The following RALGAPA2 variants were observed in gnomAD, a reference collection of about 807,000 sequenced individuals.
RALGAPA2 encodes the protein ral GTPase-activating protein subunit alpha-2.
In RALGAPA2, 139 loss-of-function variants were observed where a neutral mutation model predicts 230.4. The ratio of observed to expected loss-of-function variants is 0.60; its 90% CI spans 0.53 to 0.69. The LOEUF is 0.69. Among genes scored for constraint, RALGAPA2 ranks in the 30% least tolerant of loss-of-function variants. RALGAPA2 has a pLI of 0.00. For synonymous variants in RALGAPA2, 847 were observed against 837.8 expected (o/e 1.01, Z -0.19); for missense variants, 2,163 against 2,276.0 (o/e 0.95, Z 1.01).
intron 22 of RALGAPA2, 100 bp from the exon 23 acceptor site, chr20:20,571,713 C>T (rs1206219093): frequency 1.4e-6 from 2 of 1,476,902 alleles, no homozygotes; most frequent in Non-Finnish European, 9.2e-7. Context: ...TGTTTATGGA[C>T]ATGTGGGATG....
intron 23 of RALGAPA2, among the ~76,000 whole-genome samples, chr20:20,564,935 A>G (rs191715497): frequency 6.6e-6 from 1 of 152,320 alleles, no homozygotes; most frequent in East Asian, 1.9e-4. Flanking sequence ...AGTTTTTTTT[A>G]AACTGTTTTT....
At position 20,643,330 on chromosome 20, in the gene RALGAPA2, G is replaced by A. The variant is rs146205353; in HGVS notation, c.372+176C>T. 7.3e-3 allele frequency among the ~76,000 whole-genome samples: 1,112 copies of A among 152,168 alleles called. 11 individuals are homozygous for A. Among genetic ancestry groups the A allele is most frequent in the African/African-American group, 0.026 (1,066 of 41,504 alleles). On this transcript the variant is annotated intron_variant, in intron 5 of 39. Transcript: ENST00000202677. The stretch of plus-strand genomic sequence containing the variant: ...CCTAATACTATTTAAAATGTCTCTC[G>A]CAATAAGTTATGATGTAAGAACAAA...
At chr20:20,519,868 T>A (rs1434819731) in intron 31 of RALGAPA2, among the ~76,000 whole-genome samples, 2 of 151,990 alleles carry the variant, frequency 1.3e-5, no homozygotes, top group Non-Finnish European at 2.9e-5. Flanking sequence ...CACACCTACA[T>A]CTCTTTAATT....
chr20:20,423,310 G>C (rs1424302748), intron 37 of RALGAPA2, among the ~76,000 whole-genome samples: 1 of 152,210 alleles, frequency 6.6e-6, no homozygotes, highest in East Asian at 1.9e-4. Flanking sequence ...GAGCTGAAGA[G>C]CTGAGTCATG....
rs140668325 is a variant in RALGAPA2 at position 20,591,333 on chromosome 20, C to T, written c.2204-19G>A. Reference sequence around the variant, plus strand: ...TCCACTTCTGTGAGCATTAACAAAACATGCAAAGTTACAGTTCAAGTTTTT... The same window carrying T: ...TCCACTTCTGTGAGCATTAACAAAATATGCAAAGTTACAGTTCAAGTTTTT... On this transcript the variant is annotated intron_variant, in intron 16 of 39. Transcript: ENST00000202677. The T allele has an allele frequency of 6.2e-4, 998 of 1,605,908 alleles. 3 individuals carry two copies. In the African/African-American group the frequency reaches 8.5e-3, roughly 14 times the overall value.
At position 20,391,545 on chromosome 20, in the gene RALGAPA2, A is replaced by G. The variant is rs2059603258; in HGVS notation, c.*1744T>C. ...GGATGAGCAGGCCCGCCCTTCCGAC[A>G]GGAACGACTGGCTCAGCTCTTTCTC... On this transcript the variant is annotated 3_prime_UTR_variant, in exon 40 of 40. Coordinates refer to ENST00000202677, the MANE Select transcript of RALGAPA2 (RefSeq NM_020343.4). 6.6e-6 allele frequency: 1 copy of G among 152,240 alleles called. No homozygotes were observed. The highest frequency in any genetic ancestry group is 2.4e-5 in the African/African-American group (1 of 41,478). The allele number at this position is 152,240 out of a possible 1,614,324, so 9.4% of individuals were successfully genotyped here. A position where few individuals can be genotyped will look rare whatever the true frequency, so the allele number is the denominator to read the frequency against.
At chr20:20,709,504 G>C (rs924210228) in intron 1 of RALGAPA2, among the ~76,000 whole-genome samples, 2 of 152,156 alleles carry the variant, frequency 1.3e-5, no homozygotes, top group Non-Finnish European at 2.9e-5. Context: ...AAAAGACATG[G>C]AATCTTTGCT....
chr20:20,502,643 C>T (rs545895444), intron 35 of RALGAPA2, among the ~76,000 whole-genome samples: 1 of 152,332 alleles, frequency 6.6e-6, no homozygotes, highest in South Asian at 2.1e-4. Flanking sequence ...ACGTGAGGTG[C>T]TGCCCTCAGT....
chr20:20,459,830 C>A (rs1011274177), intron 37 of RALGAPA2, among the ~76,000 whole-genome samples: 2 of 152,204 alleles, frequency 1.3e-5, no homozygotes, highest in Non-Finnish European at 2.9e-5. Context: ...TTTGAAGCAG[C>A]AGCTAGAAAT....
At chr20:20,598,758 T>G in intron 16 of RALGAPA2, 1 of 456,114 alleles carries the variant, frequency 2.2e-6, no homozygotes. Context: ...GCGGGACGCT[T>G]TTAGTGGCAG....
At chr20:20,608,809 T>A (rs2065898186) in intron 14 of RALGAPA2, among the ~76,000 whole-genome samples, 1 of 152,168 alleles carries the variant, frequency 6.6e-6, no homozygotes, top group Non-Finnish European at 1.5e-5. Flanking sequence ...CCACTCTGAT[T>A]CTCATGACAA....
chr20:20,658,838 T>C (rs1051177490), intron 3 of RALGAPA2, among the ~76,000 whole-genome samples: 20 of 152,254 alleles, frequency 1.3e-4, no homozygotes, highest in African/African-American at 4.6e-4. Flanking sequence ...TTTAAATTAT[T>C]ATCAGATGAC....
chr20:20,571,522 G>A lies in RALGAPA2; in HGVS notation c.3092C>T (p.Pro1031Leu). 6.2e-7 allele frequency: 1 copy of A among 1,612,744 alleles called. No individual in the cohort carries two copies. Among genetic ancestry groups the A allele is most frequent in the South Asian group, 1.1e-5 (1 of 90,760 alleles). ...AAAATGCACCAGGAAATCTGAGTTT[G>A]GCAGAACGTCCTGGCGTCTGGTCAT... ...AMMTRRQDVLPNSDFLVHFYL... is the reference protein window; with the variant it reads ...AMMTRRQDVLLNSDFLVHFYL... The change falls in exon 23 of 40, where the codon CCA (proline) becomes CTA (leucine). Residue 1031 changes from proline to leucine, a missense_variant. Transcript: ENST00000202677.
rs369968612 is a variant in RALGAPA2, at chr20:20,593,482, C to G, written c.2204-2168G>C. ...GCCTTCAGCAACAGAAGCCAAATAA[C>G]ACCATAGGGCCAGCCCTTCCGGCTG... is the stretch of plus-strand genomic sequence containing the variant. On this transcript the variant is annotated intron_variant, in intron 16 of 39. Transcript: ENST00000202677. 3.9e-5 allele frequency among the ~76,000 whole-genome samples: 6 copies of G among 152,368 alleles called. No individual in the cohort carries two copies. In the East Asian group the frequency reaches 9.6e-4, roughly 24 times the overall value.
intron 20 of RALGAPA2, among the ~76,000 whole-genome samples, chr20:20,578,137 TTC>T (rs759727796): frequency 5.9e-5 from 9 of 152,172 alleles, no homozygotes; most frequent in Non-Finnish European, 1.2e-4. Flanking sequence ...CTTTAGGAGT[TTC>T]TGAGATGCCT....
chr20:20,446,208 C>T (rs962240502), intron 37 of RALGAPA2, among the ~76,000 whole-genome samples: 2 of 152,150 alleles, frequency 1.3e-5, no homozygotes, highest in Non-Finnish European at 1.5e-5. Flanking sequence ...TTAAAACTCA[C>T]ATAAAACACA....
At chr20:20,504,613 C>G (rs971396667) in intron 34 of RALGAPA2, among the ~76,000 whole-genome samples, 3 of 151,992 alleles carry the variant, frequency 2.0e-5, no homozygotes, top group Non-Finnish European at 1.5e-5. Context: ...GTAGTCCCAG[C>G]TACTTGGGAG....
chr20:20,607,051 A>T (rs558856029), intron 14 of RALGAPA2, among the ~76,000 whole-genome samples: 5 of 152,206 alleles, frequency 3.3e-5, no homozygotes, highest in Admixed American at 1.3e-4. Flanking sequence ...ACTTGTTAAG[A>T]TACCAGCTTG....
At chr20:20,705,414 C>T (rs1267253426) in intron 1 of RALGAPA2, among the ~76,000 whole-genome samples, 5 of 152,112 alleles carry the variant, frequency 3.3e-5, no homozygotes, top group South Asian at 4.1e-4. Context: ...CACTATATTG[C>T]CCAGGCTAGT....
Sources: allele counts gnomAD v4.1 joint callset (sites outside exome capture counted in the v4.1 genomes callset), GRCh38; gene constraint gnomAD v4.1.1; transcripts MANE v1.5; gene names NCBI Gene and HGNC (gene_info 2026-07-23, HGNC 2026-07-21).